The following DPP10 variants were observed in gnomAD, a reference collection of about 807,000 sequenced individuals.
DPP10 encodes the protein inactive dipeptidyl peptidase 10.
Under a neutral mutation model 120.9 loss-of-function variants are expected in DPP10, and 33 were observed. The ratio of observed to expected loss-of-function variants is 0.27; its 90% confidence interval spans 0.21 to 0.37. The LOEUF (loss-of-function observed/expected upper bound fraction) is 0.37, where lower values mean the gene tolerates loss of function less well. Ranked by LOEUF, DPP10 falls within the 10% of genes least tolerant of loss-of-function variation. The pLI is 1.00. For synonymous variants in DPP10, 337 were observed against 326.1 expected, an observed-to-expected ratio of 1.03 and a Z score of -0.36; for missense variants, 816 against 942.8, an observed-to-expected ratio of 0.87 and a Z score of 1.76.
intron 10 of DPP10, among the ~76,000 whole-genome samples, chr2:115,751,803 G>GTTGT (rs1553498803): frequency 2.9e-5 from 3 of 103,452 alleles, no homozygotes; most frequent in East Asian, 3.9e-4. Flanking sequence ...TTTTTTTGTT[G>GTTGT]TTTTTTTTTT....
intron 1 of DPP10, among the ~76,000 whole-genome samples, chr2:114,671,954 T>C (rs1304496365): frequency 6.6e-6 from 1 of 152,176 alleles, no homozygotes; most frequent in East Asian, 1.9e-4. Flanking sequence ...GGTACTAGAA[T>C]TGATTTGCTA....
At chr2:115,253,857 C>G (rs2058858250) in intron 1 of DPP10, among the ~76,000 whole-genome samples, 1 of 152,190 alleles carries the variant, frequency 6.6e-6, no homozygotes, top group South Asian at 2.1e-4. Flanking sequence ...CTTCCCCCAG[C>G]TTCACTAGGC....
At chr2:115,706,492 A>C (rs1335553282) in intron 7 of DPP10, among the ~76,000 whole-genome samples, 1 of 151,942 alleles carries the variant, frequency 6.6e-6, no homozygotes, top group African/African-American at 2.4e-5. Context: ...TCTAATATAC[A>C]CAATGTATAC....
At chr2:115,330,801 G>C (rs1035047363) in intron 2 of DPP10, among the ~76,000 whole-genome samples, 54 of 152,046 alleles carry the variant, frequency 3.6e-4, no homozygotes, top group South Asian at 1.2e-3. Flanking sequence ...GTTTTGGTAC[G>C]AGTACCATGC....
intron 5 of DPP10, among the ~76,000 whole-genome samples, chr2:115,576,573 GGAA>G (rs1351864530): frequency 6.6e-6 from 1 of 152,154 alleles, no homozygotes; most frequent in Non-Finnish European, 1.5e-5. Context: ...CAGGAAAATG[GGAA>G]GAAGGAGACT....
At position 115,400,138 on chromosome 2, in the gene DPP10, T is replaced by C. The variant is rs369589165; in HGVS notation, c.271+56226T>C. ...GCACCAAGAAGATGGTGCTAAGTCA[T>C]TCATGAAGCACCACCCCCATGATCC... On this transcript the variant is annotated intron_variant, in intron 3 of 25. Coordinates refer to ENST00000410059, the MANE Select transcript of DPP10 (RefSeq NM_020868.6). 7.2e-5 allele frequency among the ~76,000 whole-genome samples: 11 copies of C among 152,124 alleles called. No homozygotes were observed. The East Asian group carries it at 1.9e-3, about 27-fold the overall frequency.
intron 19 of DPP10, among the ~76,000 whole-genome samples, chr2:115,813,826 GT>G (rs1183583688): frequency 6.6e-6 from 1 of 152,174 alleles, no homozygotes; most frequent in Non-Finnish European, 1.5e-5. Context: ...AGGCGGGAGA[GT>G]TTGGTGTTTT....
intron 1 of DPP10, among the ~76,000 whole-genome samples, chr2:114,666,661 A>T (rs936107813): frequency 6.6e-6 from 1 of 152,208 alleles, no homozygotes; most frequent in Non-Finnish European, 1.5e-5. Flanking sequence ...ATAGGGCAAG[A>T]GGTTGAGGCA....
intron 5 of DPP10, among the ~76,000 whole-genome samples, chr2:115,654,780 CCT>C (rs1370064293): frequency 2.0e-5 from 3 of 151,650 alleles, no homozygotes; most frequent in Non-Finnish European, 4.4e-5. Context: ...CAATGTGTAA[CCT>C]CTCTGTCACC....
chr2:115,360,224 A>G (rs879268416), intron 3 of DPP10, among the ~76,000 whole-genome samples: 8 of 152,104 alleles, frequency 5.3e-5, no homozygotes, highest in Non-Finnish European at 8.8e-5. Flanking sequence ...TTCTTATCTG[A>G]GACGGTTAGT....
chr2:114,732,163 C>G (rs1359804380), intron 1 of DPP10, among the ~76,000 whole-genome samples: 2 of 152,162 alleles, frequency 1.3e-5, no homozygotes, highest in African/African-American at 4.8e-5. Context: ...ATTCCCTATA[C>G]ATAGCTATCA....
chr2:115,353,889 A>T (rs1048326628), intron 3 of DPP10, among the ~76,000 whole-genome samples: 1 of 152,188 alleles, frequency 6.6e-6, no homozygotes, highest in African/African-American at 2.4e-5. Flanking sequence ...TCATGAAACT[A>T]ACATTTGACA....
Position 115,348,102 on chromosome 2 carries a change from T to C in DPP10, c.271+4190T>C, listed in dbSNP as rs570574567. Among the ~76,000 whole-genome samples the C allele has an allele frequency of 2.6e-5, 4 of 152,248 alleles. No individual in the cohort carries two copies. In the East Asian group the frequency reaches 7.7e-4, roughly 29 times the overall value. ...GCAGAAGGAGGTCAGATACAGACTT[T>C]GCTTCTGAGACTGCTCAGAGGCCTT... On this transcript the variant is annotated intron_variant, in intron 3 of 25. Coordinates refer to ENST00000410059, the MANE Select transcript of DPP10 (RefSeq NM_020868.6).
At chr2:114,662,441 G>C (rs1697494341) in intron 1 of DPP10, among the ~76,000 whole-genome samples, 1 of 152,330 alleles carries the variant, frequency 6.6e-6, no homozygotes, top group East Asian at 1.9e-4. Flanking sequence ...CGCGGAGCGG[G>C]ACGCCTGCTG....
chr2:115,751,927 T>C lies in DPP10; in HGVS notation c.951-1247T>C, dbSNP rs113606980. 5.4e-4 allele frequency among the ~76,000 whole-genome samples: 82 copies of C among 151,724 alleles called. 1 individual carries two copies. The highest frequency in any genetic ancestry group is 1.5e-3 in the African/African-American group (62 of 41,368). On this transcript the variant is annotated intron_variant, in intron 10 of 25. Coordinates refer to ENST00000410059, the MANE Select transcript of DPP10 (RefSeq NM_020868.6). ...GATTCTCCAGCTTCAGCCTCCCGAG[T>C]AGCTGGGATTATAGGCATGTGCCAC...
At chr2:114,604,539 A>G (rs1323069409) in intron 1 of DPP10, among the ~76,000 whole-genome samples, 18 of 152,122 alleles carry the variant, frequency 1.2e-4, no homozygotes, top group Non-Finnish European at 4.4e-5. Flanking sequence ...TTCCCTGCCT[A>G]CTAGAGAAGC....
rs142696356 is a variant in DPP10 at position 114,880,686 on chromosome 2, A to T, written c.61-428553A>T. Reference sequence around the variant, plus strand: ...CTGAATTGTTGCTAAATACAAATATATAAAATGGTGAGGAAATATACAAAA... The same window carrying T: ...CTGAATTGTTGCTAAATACAAATATTTAAAATGGTGAGGAAATATACAAAA... On this transcript the variant is annotated intron_variant, in intron 1 of 25. Coordinates refer to ENST00000410059, the MANE Select transcript of DPP10 (RefSeq NM_020868.6). 3.7e-3 allele frequency among the ~76,000 whole-genome samples: 567 copies of T among 152,294 alleles called. 4 individuals are homozygous for T. The highest frequency in any genetic ancestry group is 5.7e-3 in the Non-Finnish European group (387 of 68,018).
intron 1 of DPP10, among the ~76,000 whole-genome samples, chr2:114,571,289 A>G (rs181106526): frequency 4.9e-4 from 74 of 152,078 alleles, no homozygotes; most frequent in African/African-American, 1.7e-3. Context: ...CTGGCTGTTT[A>G]AAAGTGTGGT....
chr2:115,235,566 G>C (rs976384575), intron 1 of DPP10, among the ~76,000 whole-genome samples: 1 of 151,808 alleles, frequency 6.6e-6, no homozygotes, highest in African/African-American at 2.4e-5. Context: ...TTTTTGGTGG[G>C]GGTGGTGGGT....
Sources: gnomAD v4.1 joint callset for allele counts (sites outside exome capture counted in the v4.1 genomes callset) on GRCh38, gnomAD v4.1.1 for gene constraint, MANE v1.5 for transcripts, NCBI Gene and HGNC (gene_info 2026-07-23, HGNC 2026-07-21) for gene names.